SIK2: variants seen among roughly 807,000 people sequenced by gnomAD.
SIK2 encodes the protein serine/threonine-protein kinase SIK2.
A neutral mutation model predicts 103.2 loss-of-function variants in SIK2; 29 were observed. The ratio of observed to expected loss-of-function variants is 0.28; its 90% CI spans 0.21 to 0.38. The LOEUF is 0.38. Among genes scored for constraint, SIK2 ranks in the 10% least tolerant of loss-of-function variants. The probability of loss-of-function intolerance (pLI) is 1.00; values close to 1 mark genes in which losing one functional copy is unlikely to be tolerated. For missense variants in SIK2, 879 were observed against 1,171.0 expected, an observed-to-expected ratio of 0.75 and a Z score of 3.64; for synonymous variants, 412 against 446.1, an observed-to-expected ratio of 0.92 and a Z score of 0.96.
At chr11:111,617,891 A>C (rs1332639962) in intron 2 of SIK2, among the ~76,000 whole-genome samples, 1 of 151,422 alleles carries the variant, frequency 6.6e-6, no homozygotes, top group Non-Finnish European at 1.5e-5. Flanking sequence ...TATATTTGGC[A>C]ACTTTATTTT....
chr11:111,624,128 A>C (rs554481729), intron 3 of SIK2, among the ~76,000 whole-genome samples: 1 of 152,348 alleles, frequency 6.6e-6, no homozygotes, highest in South Asian at 2.1e-4. Context: ...AAGCAGAATT[A>C]TTTAGTCCTT....
At chr11:111,670,559 A>C (rs1329815584) in intron 3 of SIK2, among the ~76,000 whole-genome samples, 1 of 152,234 alleles carries the variant, frequency 6.6e-6, no homozygotes, top group Admixed American at 6.5e-5. Flanking sequence ...CACATGAGGT[A>C]AACTGTTGGG....
chr11:111,688,842 A>G lies in SIK2; in HGVS notation c.478+680A>G, dbSNP rs374796297. ...GTGGAAATCATTTCACAACATATCC[A>G]TATATAAAAATAGCATGTACACCTT... On this transcript the variant is annotated intron_variant, in intron 4 of 14. Transcript: ENST00000304987. This position sits in a 1 kb window ranked among gnomAD's most constrained non-coding sequence, Gnocchi z 4.2. Among the ~76,000 whole-genome samples, 1 of 152,258 alleles carries G rather than the reference A, an allele frequency of 6.6e-6. No homozygotes were observed. Among genetic ancestry groups the G allele is most frequent in the African/African-American group, 2.4e-5 (1 of 41,462 alleles).
intron 3 of SIK2, among the ~76,000 whole-genome samples, chr11:111,623,047 A>T (rs925649206): frequency 1.3e-5 from 2 of 152,126 alleles, no homozygotes; most frequent in Non-Finnish European, 2.9e-5. Flanking sequence ...TGTATATTAA[A>T]CTGTTTGAAA....
intron 4 of SIK2, among the ~76,000 whole-genome samples, chr11:111,699,910 A>T (rs1360691147): frequency 6.6e-6 from 1 of 152,240 alleles, no homozygotes; most frequent in South Asian, 2.1e-4. Flanking sequence ...GCCATCTCTT[A>T]AAGCTCACTG....
In SIK2 at chr11:111,602,583, C is replaced by T. The variant is rs149703761; in HGVS notation, c.20C>T (p.Pro7Leu). The T allele has an allele frequency of 2.6e-6, 4 of 1,529,832 alleles. No individual in the cohort carries two copies. The highest frequency in any genetic ancestry group is 1.2e-5 in the South Asian group (1 of 82,372). The allele number at this position is 1,529,832 out of a possible 1,614,324, so 94.8% of individuals were successfully genotyped here. A position where few individuals can be genotyped will look rare whatever the true frequency, so the allele number is the denominator to read the frequency against. The change falls in exon 1 of 15, where the codon CCG becomes CTG. Residue 7 changes from proline to leucine, a missense_variant. Pro to Leu is a moderately conservative substitution (Grantham distance 98). Transcript: ENST00000304987. This position sits in a 1 kb window ranked among gnomAD's most constrained non-coding sequence, Gnocchi z 4.5. MVMADG[P>L]RHLQRGPVRV... Reference sequence around the variant, plus strand: ...CCCAGCATGGTCATGGCGGATGGCCCGAGGCACTTGCAGCGCGGGCCGGTC... The same window carrying T: ...CCCAGCATGGTCATGGCGGATGGCCTGAGGCACTTGCAGCGCGGGCCGGTC...
chr11:111,638,442 C>A (rs948921597), intron 3 of SIK2, among the ~76,000 whole-genome samples: 1 of 152,168 alleles, frequency 6.6e-6, no homozygotes, highest in Non-Finnish European at 1.5e-5. Context: ...TTTACACCAA[C>A]TTCCAGTTTC....
chr11:111,693,678 G>A (rs1235245240), intron 4 of SIK2, among the ~76,000 whole-genome samples: 3 of 152,206 alleles, frequency 2.0e-5, no homozygotes, highest in African/African-American at 7.2e-5. Flanking sequence ...TTCATGTAGA[G>A]TACTGAGTTG....
intron 3 of SIK2, among the ~76,000 whole-genome samples, chr11:111,623,727 G>GT (rs1273988342): frequency 6.6e-6 from 1 of 152,158 alleles, no homozygotes; most frequent in Non-Finnish European, 1.5e-5. Context: ...CTCTCAGATG[G>GT]TTTTTTCTCT....
intron 3 of SIK2, among the ~76,000 whole-genome samples, chr11:111,685,716 G>A (rs1942835948): frequency 6.6e-6 from 1 of 152,100 alleles, no homozygotes; most frequent in Admixed American, 6.6e-5. Flanking sequence ...CAGATGTGGT[G>A]ACATGCATCT....
chr11:111,711,642 C>T (rs1159154145), intron 8 of SIK2, among the ~76,000 whole-genome samples: 4 of 152,350 alleles, frequency 2.6e-5, no homozygotes, highest in African/African-American at 9.6e-5. Context: ...GGAAGATGTT[C>T]CTGTCACCCC....
intron 4 of SIK2, among the ~76,000 whole-genome samples, chr11:111,699,389 CAGG>C (rs1377064072): frequency 1.3e-5 from 2 of 152,186 alleles, no homozygotes; most frequent in Non-Finnish European, 2.9e-5. Flanking sequence ...AATGGTTTCA[CAGG>C]AGGAGGAGAG....
chr11:111,626,483 G>C (rs1026842756), intron 3 of SIK2, among the ~76,000 whole-genome samples: 1 of 150,712 alleles, frequency 6.6e-6, no homozygotes, highest in African/African-American at 2.4e-5. Context: ...ATGAGGTTTT[G>C]AATCCTGCCT....
chr11:111,650,606 G>T (rs1030162101), intron 3 of SIK2, among the ~76,000 whole-genome samples: 25 of 151,894 alleles, frequency 1.6e-4, no homozygotes, highest in African/African-American at 1.4e-4. Flanking sequence ...ACATTTTTTT[G>T]ATCTTAAACA....
intron 3 of SIK2, among the ~76,000 whole-genome samples, chr11:111,670,048 CTATTA>C (rs1175536906): frequency 2.6e-5 from 4 of 152,246 alleles, no homozygotes; most frequent in South Asian, 2.1e-4. Context: ...TGAAAACATC[CTATTA>C]TAATTATTCT....
chr11:111,640,542 A>G (rs972945766), intron 3 of SIK2, among the ~76,000 whole-genome samples: 9 of 152,108 alleles, frequency 5.9e-5, no homozygotes, highest in African/African-American at 1.9e-4. Flanking sequence ...TTATCCCATT[A>G]TGAACCATTT....
intron 3 of SIK2, among the ~76,000 whole-genome samples, chr11:111,649,582 G>A (rs1233857503): frequency 6.6e-6 from 1 of 151,882 alleles, no homozygotes; most frequent in Non-Finnish European, 1.5e-5. Flanking sequence ...ATCTACTTGG[G>A]GCTAATAATG....
intron 3 of SIK2, among the ~76,000 whole-genome samples, chr11:111,634,524 C>T (rs956831047): frequency 6.6e-6 from 1 of 152,082 alleles, no homozygotes; most frequent in South Asian, 2.1e-4. Flanking sequence ...ACTTCTCCAA[C>T]ATCTTCTATC....
intron 3 of SIK2, among the ~76,000 whole-genome samples, chr11:111,639,418 T>C (rs1294895092): frequency 6.6e-6 from 1 of 152,244 alleles, no homozygotes; most frequent in Non-Finnish European, 1.5e-5. Context: ...CTGTGCCTGC[T>C]CAGAAATCCA....
Sources: gnomAD v4.1 joint callset for allele counts (sites outside exome capture counted in the v4.1 genomes callset) on GRCh38, gnomAD v4.1.1 for gene constraint, Gnocchi (gnomAD v3.1) non-coding constraint, MANE v1.5 for transcripts, NCBI Gene and HGNC (gene_info 2026-07-23, HGNC 2026-07-21) for gene names.